KIF17: variants seen among roughly 807,000 people sequenced by gnomAD.
KIF17 encodes kinesin-like protein KIF17.
Under a neutral mutation model 96.8 loss-of-function variants are expected in KIF17, and 80 were observed. That is an observed-to-expected ratio of 0.83 (90% CI 0.69 to 1.00). KIF17 has a LOEUF of 1.00. Among genes scored for constraint, KIF17 ranks in the 50% least tolerant of loss-of-function variants. The pLI, the probability that KIF17 is intolerant of heterozygous loss-of-function variation, is 0.00. For missense variants in KIF17, 1,280 were observed against 1,372.9 expected, an observed-to-expected ratio of 0.93 and a Z score of 1.07; for synonymous variants, 567 against 587.5, an observed-to-expected ratio of 0.97 and a Z score of 0.51.
At chr1:20,695,209 T>C (rs2154536579) in intron 6 of KIF17, among the ~76,000 whole-genome samples, 1 of 151,988 alleles carries the variant, frequency 6.6e-6, no homozygotes, top group Middle Eastern at 3.4e-3. Context: ...TTTTTTTGAG[T>C]CAGAGTCTCA....
In KIF17 at chr1:20,689,671, T is replaced by A. The variant is rs74190107; in HGVS notation, c.1381+517A>T. ...ATCTCAAAACAAAGAAATTTTTTTT[T>A]AAAAAAAAAGAACACAAAAACCTCC... On this transcript the variant is annotated intron_variant, in intron 7 of 14. Coordinates refer to ENST00000400463, the MANE Select transcript of KIF17 (RefSeq NM_001122819.3). Among the ~76,000 whole-genome samples, 856 of 121,248 alleles carry A rather than the reference T, an allele frequency of 7.1e-3. 7 individuals are homozygous for A. Among genetic ancestry groups the A allele is most frequent in the Non-Finnish European group, 0.011 (630 of 57,764 alleles). 79.5% of individuals were successfully genotyped at this position (121,248 alleles called of 152,430 possible). A position where few individuals can be genotyped will look rare whatever the true frequency, so the allele number is the denominator to read the frequency against.
At chr1:20,688,078 G>GA in intron 7 of KIF17, 134 bp from the exon 8 acceptor site, 1 of 759,982 alleles carries the variant, frequency 1.3e-6, no homozygotes, top group Non-Finnish European at 2.2e-6. Context: ...ACAGAGTCTT[G>GA]CTCTGTCGCC....
At chr1:20,688,046 T>G (rs543329747) in intron 7 of KIF17, 102 bp from the exon 8 acceptor site, 2 of 954,776 alleles carry the variant, frequency 2.1e-6, no homozygotes, top group Admixed American at 2.2e-5. Flanking sequence ...TTTTGTTTGT[T>G]TTTTTTTTGT....
chr1:20,691,172 G>A (rs972854448), intron 6 of KIF17, among the ~76,000 whole-genome samples: 4 of 151,746 alleles, frequency 2.6e-5, no homozygotes, highest in African/African-American at 9.7e-5. Context: ...TGGCTTGCCT[G>A]TAATCTGTTA....
downstream of KIF17, among the ~76,000 whole-genome samples, chr1:20,663,395 T>A (rs950956427): frequency 2.0e-5 from 3 of 152,070 alleles, no homozygotes; most frequent in Admixed American, 6.5e-5. Context: ...GGGCCTGCCA[T>A]AGAAATTGAT....
intron 2 of KIF17, among the ~76,000 whole-genome samples, chr1:20,713,853 TAAAAAC>T (rs1197686377): frequency 1.3e-5 from 2 of 151,798 alleles, no homozygotes; most frequent in East Asian, 1.9e-4. Flanking sequence ...TTATTCAGGT[TAAAAAC>T]AAAAACAAAA....
rs150751499 is a variant in KIF17 at position 20,675,028 on chromosome 1, G to A, written c.2464-2832C>T. Among the ~76,000 whole-genome samples the A allele has an allele frequency of 9.1e-3, 1,390 of 152,088 alleles. 20 individuals are homozygous for A. The highest frequency in any genetic ancestry group is 0.03 in the African/African-American group (1,255 of 41,472). ...TAGCCGGACATGGTGGCATGTGCCT[G>A]TAGTCCCAGCTACTTGGGAGGCTGA... On this transcript the variant is annotated intron_variant, in intron 11 of 14. Transcript: ENST00000400463.
chr1:20,674,498 C>G (rs2053702118), intron 11 of KIF17, among the ~76,000 whole-genome samples: 1 of 151,770 alleles, frequency 6.6e-6, no homozygotes, highest in Non-Finnish European at 1.5e-5. Context: ...CTCCTGGGTT[C>G]AAGCGATCCT....
chr1:20,707,128 C>G (rs778098871), intron 4 of KIF17, among the ~76,000 whole-genome samples: 11 of 152,148 alleles, frequency 7.2e-5, no homozygotes, highest in Non-Finnish European at 1.6e-4. Flanking sequence ...TTGGTGCTGC[C>G]TCTTTGGGAA....
chr1:20,697,320 C>CT (rs768831487), intron 6 of KIF17, among the ~76,000 whole-genome samples: 22 of 152,208 alleles, frequency 1.4e-4, no homozygotes, highest in Non-Finnish European at 2.9e-4. Flanking sequence ...TCTAAAGGGA[C>CT]TATCAGGCCC....
At chr1:20,713,703 G>T in intron 2 of KIF17, 148 bp from the exon 3 acceptor site, 1 of 689,750 alleles carries the variant, frequency 1.4e-6, no homozygotes, top group Non-Finnish European at 2.6e-6. Flanking sequence ...AACCCAACCC[G>T]CCCTGCTGGC....
At chr1:20,701,370 G>A (rs1359778541) in intron 5 of KIF17, among the ~76,000 whole-genome samples, 1 of 152,192 alleles carries the variant, frequency 6.6e-6, no homozygotes, top group East Asian at 1.9e-4. Context: ...GGTGGAGGTT[G>A]CAGTGAGCGG....
Position 20,665,321 on chromosome 1 carries a change from G to A in KIF17, c.2909-559C>T, listed in dbSNP as rs553194857. Among the ~76,000 whole-genome samples, 43 of 134,512 alleles carry A rather than the reference G, an allele frequency of 3.2e-4. No homozygotes were observed. In the East Asian group the frequency reaches 8.2e-3, roughly 26 times the overall value. 88.2% of individuals were successfully genotyped at this position (134,512 alleles called of 152,430 possible). On this transcript the variant is annotated intron_variant, in intron 14 of 14. Transcript: ENST00000400463. ...CAGCTCACTGCAACCTCTGCCTCCCGAGTTCAAGCAATTCTCATGCCTCAG... is the reference window on the plus strand; with the variant it reads ...CAGCTCACTGCAACCTCTGCCTCCCAAGTTCAAGCAATTCTCATGCCTCAG...
At chr1:20,698,267 C>T (rs2054176510) in intron 6 of KIF17, 112 bp downstream of exon 6, 1 of 757,610 alleles carries the variant, frequency 1.3e-6, no homozygotes, top group Non-Finnish European at 2.3e-6. Context: ...CAGGACCAAA[C>T]CCACGGTGAA....
At chr1:20,682,907 AAAC>A (rs2053858001) in intron 10 of KIF17, 23 bp from the exon 11 acceptor site, 1 of 1,597,872 alleles carries the variant, frequency 6.3e-7, no homozygotes, top group African/African-American at 1.3e-5. Flanking sequence ...AGGAGAAAGC[AAAC>A]AAGACAATAT....
intron 13 of KIF17, among the ~76,000 whole-genome samples, chr1:20,670,063 TC>T (rs376146257): frequency 2.0e-5 from 3 of 148,708 alleles, no homozygotes; most frequent in Non-Finnish European, 3.0e-5. Flanking sequence ...AATTACTGCT[TC>T]ATGAACCCTG....
In KIF17 at chr1:20,712,868, G is replaced by GATATTATCTATATATAATATAGATA. The variant is rs1410041837; in HGVS notation, c.480+561_480+585dup. On this transcript the variant is annotated intron_variant, in intron 3 of 14. Coordinates refer to ENST00000400463, the MANE Select transcript of KIF17 (RefSeq NM_001122819.3). Reference sequence around the variant, plus strand: ...TATAGATAATATTATCTATATTATAGATATTATCTATATATAATATAGATA... The same window carrying GATATTATCTATATATAATATAGATA: ...TATAGATAATATTATCTATATTATAGATATTATCTATATATAATATAGATAATATTATCTATATATAATATAGATA... Among the ~76,000 whole-genome samples, 263 of 32,240 alleles carry GATATTATCTATATATAATATAGATA rather than the reference G, an allele frequency of 8.2e-3. 22 individuals carry two copies. Among genetic ancestry groups the GATATTATCTATATATAATATAGATA allele is most frequent in the African/African-American group, 0.02 (157 of 7,996 alleles). The allele number at this position is 32,240 out of a possible 152,430, so 21.2% of individuals were successfully genotyped here.
chr1:20,668,310 A>G (rs929246165), intron 13 of KIF17, among the ~76,000 whole-genome samples: 1 of 145,194 alleles, frequency 6.9e-6, no homozygotes, highest in African/African-American at 2.5e-5. Flanking sequence ...ACTCCGTCTC[A>G]AAAAAAAAAA....
At chr1:20,667,863 A>G (rs556089292) in intron 13 of KIF17, among the ~76,000 whole-genome samples, 18 of 152,270 alleles carry the variant, frequency 1.2e-4, no homozygotes, top group Admixed American at 1.2e-3. Context: ...CAAAAAAATT[A>G]GCTGGACGTC....
Sources: allele counts gnomAD v4.1 joint callset (sites outside exome capture counted in the v4.1 genomes callset), GRCh38; gene constraint gnomAD v4.1.1; transcripts MANE v1.5; gene names NCBI Gene and HGNC (gene_info 2026-07-23, HGNC 2026-07-21).